CFAP95: variants seen among roughly 807,000 people sequenced by gnomAD.
The protein encoded by CFAP95 is cilia- and flagella-associated protein 95.
chr9:69,839,617 G>A, the CFAP95 span, among the ~76,000 whole-genome samples: 2 of 151,162 alleles, frequency 1.3e-5, no homozygotes, highest in South Asian at 2.1e-4. Context: ...TAGTAGAGAC[G>A]GGGTTTCACC....
At chr9:69,870,390 T>C in the CFAP95 span, among the ~76,000 whole-genome samples, 1 of 152,198 alleles carries the variant, frequency 6.6e-6, no homozygotes, top group African/African-American at 2.4e-5. Flanking sequence ...AACTAAGACA[T>C]TTATTTGGTC....
At chr9:69,856,925 T>TTG in the CFAP95 span, among the ~76,000 whole-genome samples, 3 of 150,430 alleles carry the variant, frequency 2.0e-5, no homozygotes, top group Admixed American at 2.0e-4. Context: ...TATGTGTTTT[T>TTG]TTTTTTTTTT....
At chr9:69,840,892 C>T in the CFAP95 span, among the ~76,000 whole-genome samples, 1 of 151,798 alleles carries the variant, frequency 6.6e-6, no homozygotes, top group Non-Finnish European at 1.5e-5. Flanking sequence ...CTCAGTCCCC[C>T]AAAGAAACAC....
At chr9:69,831,896 A>C in the CFAP95 span, among the ~76,000 whole-genome samples, 3 of 152,148 alleles carry the variant, frequency 2.0e-5, no homozygotes, top group Non-Finnish European at 4.4e-5. Flanking sequence ...CCTGGAGGTG[A>C]CCATAGCATC....
the CFAP95 span, among the ~76,000 whole-genome samples, chr9:69,861,761 T>C: frequency 0.85 from 121,634 of 143,640 alleles, 51,619 homozygotes; most frequent in Middle Eastern, 0.91. Flanking sequence ...AAACACAACA[T>C]TTTCTTAAGT....
At chr9:69,885,516 A>G in the CFAP95 span, among the ~76,000 whole-genome samples, 3 of 152,102 alleles carry the variant, frequency 2.0e-5, no homozygotes, top group Non-Finnish European at 4.4e-5. Flanking sequence ...CTTACTCTAG[A>G]TGTGTGGGTC....
At chr9:69,866,281 G>A in the CFAP95 span, among the ~76,000 whole-genome samples, 1 of 152,180 alleles carries the variant, frequency 6.6e-6, no homozygotes, top group South Asian at 2.1e-4. Flanking sequence ...GGTTATGGAA[G>A]CTGAGAAGTC....
At chr9:69,878,780 G>A in the CFAP95 span, among the ~76,000 whole-genome samples, 1 of 152,102 alleles carries the variant, frequency 6.6e-6, no homozygotes, top group Non-Finnish European at 1.5e-5. Flanking sequence ...CCTGAGACTG[G>A]GTAATTTACA....
At chr9:69,861,961 G>T in the CFAP95 span, among the ~76,000 whole-genome samples, 1 of 151,948 alleles carries the variant, frequency 6.6e-6, no homozygotes, top group Non-Finnish European at 1.5e-5. Flanking sequence ...CCTCACTGTG[G>T]GTGCCCATAG....
At chr9:69,825,491 G>T in the CFAP95 span, among the ~76,000 whole-genome samples, 31 of 152,254 alleles carry the variant, frequency 2.0e-4, no homozygotes, top group Non-Finnish European at 4.3e-4. Context: ...TTGCCAAAGA[G>T]CCACCTCTTC....
chr9:69,876,261 A>C, the CFAP95 span, among the ~76,000 whole-genome samples: 1 of 152,246 alleles, frequency 6.6e-6, no homozygotes, highest in East Asian at 1.9e-4. Context: ...GGCTGGGCAC[A>C]GTGGCTCAGG....
At chr9:69,835,469 G>A in the CFAP95 span, among the ~76,000 whole-genome samples, 1 of 152,186 alleles carries the variant, frequency 6.6e-6, no homozygotes, top group African/African-American at 2.4e-5. Context: ...AGACAAGTTA[G>A]CATTGCAAAG....
the CFAP95 span, among the ~76,000 whole-genome samples, chr9:69,840,945 C>T: frequency 3.3e-5 from 5 of 151,586 alleles, no homozygotes; most frequent in Non-Finnish European, 7.4e-5. Context: ...TTTTTGGCTG[C>T]TATCTAAGGT....
chr9:69,880,348 A>G, the CFAP95 span, among the ~76,000 whole-genome samples: 6 of 151,916 alleles, frequency 3.9e-5, no homozygotes, highest in Non-Finnish European at 7.4e-5. Flanking sequence ...TCTACTCCCT[A>G]TGTCCATGAG....
the CFAP95 span, among the ~76,000 whole-genome samples, chr9:69,842,313 G>A: frequency 2.0e-5 from 3 of 152,272 alleles, no homozygotes; most frequent in East Asian, 5.8e-4. Context: ...TTCTGCAGAT[G>A]TAAGCAAGGA....
At chr9:69,844,764 G>C in the CFAP95 span, 2 of 573,298 alleles carry the variant, frequency 3.5e-6, no homozygotes, top group Non-Finnish European at 5.9e-6. Flanking sequence ...GTCACTGTGT[G>C]CTGAAGCAAC....
chr9:69,854,664 G>T, the CFAP95 span, among the ~76,000 whole-genome samples: 40 of 152,350 alleles, frequency 2.6e-4, no homozygotes, highest in South Asian at 7.9e-3. Flanking sequence ...GACCTCTAGG[G>T]TTGGCTGCAA....
chr9:69,873,944 C>T, the CFAP95 span, among the ~76,000 whole-genome samples: 89,322 of 152,010 alleles, frequency 0.59, 26,710 homozygotes, highest in East Asian at 0.82. Flanking sequence ...CATTATCAGA[C>T]ACCTTTTCCT....
the CFAP95 span, chr9:69,856,821 C>A: frequency 4.3e-6 from 2 of 467,454 alleles, no homozygotes; most frequent in East Asian, 3.4e-5. Flanking sequence ...TCTGCTCATG[C>A]TGTTCTCTCT....
Sources: allele counts gnomAD v4.1 joint callset (sites outside exome capture counted in the v4.1 genomes callset), GRCh38; gene constraint gnomAD v4.1.1; transcripts MANE v1.5; gene names NCBI Gene and HGNC (gene_info 2026-07-23, HGNC 2026-07-21).